CCDC85A: variants seen among roughly 807,000 people sequenced by gnomAD.
The protein encoded by CCDC85A is coiled-coil domain-containing protein 85A.
CCDC85A carries 38 observed loss-of-function variants against 50.2 expected under a neutral mutation model. The ratio of observed to expected loss-of-function variants is 0.76; its 90% CI spans 0.58 to 0.99. The LOEUF (loss-of-function observed/expected upper bound fraction) is 0.99, where lower values mean the gene tolerates loss of function less well. Ranked by LOEUF, CCDC85A falls within the 50% of genes least tolerant of loss-of-function variation. CCDC85A has a pLI of 0.00. For missense variants in CCDC85A, 820 were observed against 742.0 expected, an observed-to-expected ratio of 1.11 and a Z score of -1.22; for synonymous variants, 366 against 301.4, an observed-to-expected ratio of 1.21 and a Z score of -2.22.
chr2:56,276,434 G>A (rs147792266), intron 2 of CCDC85A, among the ~76,000 whole-genome samples: 12 of 152,142 alleles, frequency 7.9e-5, no homozygotes, highest in African/African-American at 1.2e-4. Context: ...AAATTCCCAC[G>A]TGTCGTAGGA....
At chr2:56,327,870 G>A (rs370361444) in intron 2 of CCDC85A, among the ~76,000 whole-genome samples, 3 of 149,512 alleles carry the variant, frequency 2.0e-5, no homozygotes, top group Non-Finnish European at 4.4e-5. Flanking sequence ...AGCATTGCCC[G>A]GCTCTCACTT....
chr2:56,299,589 T>C (rs1174629752), intron 2 of CCDC85A, among the ~76,000 whole-genome samples: 1 of 151,908 alleles, frequency 6.6e-6, no homozygotes, highest in Non-Finnish European at 1.5e-5. Flanking sequence ...AGAAAGAAAA[T>C]GCTGGGAATG....
chr2:56,308,057 G>A (rs1672524135), intron 2 of CCDC85A, among the ~76,000 whole-genome samples: 1 of 152,164 alleles, frequency 6.6e-6, no homozygotes, highest in Admixed American at 6.5e-5. Flanking sequence ...TACTCTCATA[G>A]CATGAGTCGA....
chr2:56,202,428 A>C (rs1423853373), intron 2 of CCDC85A, among the ~76,000 whole-genome samples: 1 of 152,198 alleles, frequency 6.6e-6, no homozygotes, highest in East Asian at 1.9e-4. Flanking sequence ...CTTCCAGATA[A>C]ACATTCTTGA....
At chr2:56,352,520 A>AT (rs949687894) in intron 3 of CCDC85A, among the ~76,000 whole-genome samples, 1 of 151,970 alleles carries the variant, frequency 6.6e-6, no homozygotes, top group African/African-American at 2.4e-5. Flanking sequence ...TAATTTTTGC[A>AT]TTTTTAATAG....
At chr2:56,263,989 A>G (rs951504111) in intron 2 of CCDC85A, among the ~76,000 whole-genome samples, 2 of 152,146 alleles carry the variant, frequency 1.3e-5, no homozygotes, top group African/African-American at 4.8e-5. Context: ...GCTAACACTA[A>G]TGATAGCTGA....
At chr2:56,247,743 A>T (rs1573096096) in intron 2 of CCDC85A, among the ~76,000 whole-genome samples, 1 of 152,240 alleles carries the variant, frequency 6.6e-6, no homozygotes, top group African/African-American at 2.4e-5. Flanking sequence ...GACACAGAAG[A>T]TAGATGATAT....
At chr2:56,208,058 T>G (rs556214898) in intron 2 of CCDC85A, among the ~76,000 whole-genome samples, 2 of 152,186 alleles carry the variant, frequency 1.3e-5, no homozygotes, top group Non-Finnish European at 2.9e-5. Flanking sequence ...CTTTCAATTC[T>G]GAGTTCTTAT....
intron 2 of CCDC85A, among the ~76,000 whole-genome samples, chr2:56,326,053 C>T (rs1471892340): frequency 6.6e-6 from 1 of 152,062 alleles, no homozygotes; most frequent in African/African-American, 2.4e-5. Flanking sequence ...GACTTGGTGC[C>T]GATCAAATTC....
At chr2:56,230,793 G>A (rs1668742343) in intron 2 of CCDC85A, among the ~76,000 whole-genome samples, 1 of 152,134 alleles carries the variant, frequency 6.6e-6, no homozygotes, top group East Asian at 1.9e-4. Context: ...GTGCAGGTAC[G>A]GTGTCTGTCT....
chr2:56,296,913 T>C (rs948451690), intron 2 of CCDC85A, among the ~76,000 whole-genome samples: 14 of 152,162 alleles, frequency 9.2e-5, no homozygotes, highest in Non-Finnish European at 1.9e-4. Flanking sequence ...TAACACCATA[T>C]AGAAAAGCAG....
intron 5 of CCDC85A, among the ~76,000 whole-genome samples, chr2:56,383,954 T>A (rs905126621): frequency 2.0e-5 from 3 of 151,884 alleles, no homozygotes; most frequent in African/African-American, 7.2e-5. Flanking sequence ...GATTACTGTT[T>A]AAGAGTTCCT....
rs780642254 is a variant in CCDC85A, at chr2:56,372,475, C to T, written c.1449C>T (p.Leu483=). ...CRGIGRCLPT[L]PGSFRLSSGA... The stretch of plus-strand genomic sequence containing the variant: ...GAATAGGACGATGCCTGCCTACTCT[C>T]CCGGTGAGTGAAGATGAGTCAGCTG... The change falls in exon 4 of 6, where the codon CTC becomes CTT. Residue 483 remains leucine (L), a synonymous_variant. Transcript: ENST00000407595. 2.4e-5 allele frequency: 39 copies of T among 1,596,572 alleles called. No homozygotes were observed. Among genetic ancestry groups the T allele is most frequent in the Non-Finnish European group, 3.2e-5 (38 of 1,170,244 alleles).
intron 2 of CCDC85A, among the ~76,000 whole-genome samples, chr2:56,203,562 C>T (rs1444112490): frequency 6.6e-6 from 1 of 152,004 alleles, no homozygotes; most frequent in Admixed American, 6.6e-5. Flanking sequence ...ACCATTTTTG[C>T]CAGAGTCTGC....
chr2:56,225,847 A>G (rs1202178314), intron 2 of CCDC85A, among the ~76,000 whole-genome samples: 4 of 152,312 alleles, frequency 2.6e-5, no homozygotes, highest in East Asian at 3.9e-4. Context: ...TCAAGGCTTC[A>G]TAGCGTAAAT....
At chr2:56,257,128 C>A (rs1003645580) in intron 2 of CCDC85A, among the ~76,000 whole-genome samples, 1 of 152,122 alleles carries the variant, frequency 6.6e-6, no homozygotes, top group Non-Finnish European at 1.5e-5. Context: ...TTAGTGAATA[C>A]CTTCTGTGTG....
chr2:56,352,877 C>G (rs1573322383), intron 3 of CCDC85A, among the ~76,000 whole-genome samples: 2 of 152,126 alleles, frequency 1.3e-5, no homozygotes. Context: ...CTTAACCTCT[C>G]TAAGCCTTAT....
Position 56,361,911 on chromosome 2 carries a change from A to G in CCDC85A, c.1318-10433A>G, listed in dbSNP as rs557535279. On this transcript the variant is annotated intron_variant, in intron 3 of 5. Transcript: ENST00000407595. ...AGAGACAGGGAGAGGGGACATTGGT[A>G]CACTCATTAGGGAGCTAGCTTGGTA... 5.3e-5 allele frequency among the ~76,000 whole-genome samples: 8 copies of G among 152,320 alleles called. No individual in the cohort carries two copies. In the East Asian group the frequency reaches 1.5e-3, roughly 29 times the overall value.
rs538891646 is a variant in CCDC85A, at chr2:56,359,223, T to G, written c.1318-13121T>G. Among the ~76,000 whole-genome samples, 130 of 152,298 alleles carry G rather than the reference T, an allele frequency of 8.5e-4. No homozygotes were observed. In the East Asian group the frequency reaches 0.024, roughly 28 times the overall value. On this transcript the variant is annotated intron_variant, in intron 3 of 5. Transcript: ENST00000407595. ...GAGTTATCAGTACTGGGATTTGAAG[T>G]GTGCTGTGATTTAACCAGTGGTAGT...
Sources: allele counts gnomAD v4.1 joint callset (sites outside exome capture counted in the v4.1 genomes callset), GRCh38; gene constraint gnomAD v4.1.1; transcripts MANE v1.5; gene names NCBI Gene and HGNC (gene_info 2026-07-23, HGNC 2026-07-21).